Variants in WWOX observed in about 807,000 individuals in gnomAD.
The protein encoded by WWOX is WW domain containing oxidoreductase.
In WWOX, 69 loss-of-function variants were observed where a neutral mutation model predicts 46.2. The observed-to-expected ratio is 1.49, with a 90% CI of 1.23 to 1.82. The LOEUF (loss-of-function observed/expected upper bound fraction) is 1.82. Ranked by LOEUF, WWOX falls within the 40% of genes most tolerant of loss-of-function variation. The pLI is 0.00. For missense variants in WWOX, 919 were observed against 542.6 expected, an observed-to-expected ratio of 1.69 and a Z score of -6.89; for synonymous variants, 359 against 202.6, an observed-to-expected ratio of 1.77 and a Z score of -6.56.
chr16:78,600,663 G>T (rs933402414), intron 8 of WWOX, among the ~76,000 whole-genome samples: 3 of 152,120 alleles, frequency 2.0e-5, no homozygotes, highest in African/African-American at 7.2e-5. Flanking sequence ...GATTCTTCAG[G>T]AAACCCTGGT....
At chr16:78,355,273 G>T (rs1214156119) in intron 5 of WWOX, among the ~76,000 whole-genome samples, 3 of 151,696 alleles carry the variant, frequency 2.0e-5, no homozygotes, top group African/African-American at 7.3e-5. Flanking sequence ...AAAAAAGTAT[G>T]TATACATATA....
At chr16:78,501,409 G>C (rs1244269960) in intron 8 of WWOX, among the ~76,000 whole-genome samples, 1 of 152,000 alleles carries the variant, frequency 6.6e-6, no homozygotes, top group Non-Finnish European at 1.5e-5. Context: ...GAATGTGTAA[G>C]AAATTGAGAC....
chr16:78,473,277 G>A (rs1200513128), intron 8 of WWOX, among the ~76,000 whole-genome samples: 1 of 152,090 alleles, frequency 6.6e-6, no homozygotes, highest in African/African-American at 2.4e-5. Context: ...GTATAGACAC[G>A]TGGCACCACG....
intron 8 of WWOX, among the ~76,000 whole-genome samples, chr16:78,734,349 T>A (rs1408961177): frequency 1.3e-5 from 2 of 152,276 alleles, no homozygotes; most frequent in South Asian, 4.2e-4. Flanking sequence ...CCTGAATTTA[T>A]CATCAATATT....
intron 8 of WWOX, among the ~76,000 whole-genome samples, chr16:78,759,690 G>C (rs143104944): frequency 2.6e-4 from 40 of 152,330 alleles, no homozygotes; most frequent in Middle Eastern, 3.4e-3. Context: ...ACATGAGACT[G>C]TATGCTCCCT....
chr16:78,721,211 A>G (rs542879949), intron 8 of WWOX, among the ~76,000 whole-genome samples: 8 of 151,704 alleles, frequency 5.3e-5, no homozygotes, highest in Non-Finnish European at 8.8e-5. Context: ...TACTTTCTAC[A>G]GTATCTTTAA....
At chr16:78,928,605 C>T (rs948746990) in intron 8 of WWOX, among the ~76,000 whole-genome samples, 3 of 152,116 alleles carry the variant, frequency 2.0e-5, no homozygotes, top group East Asian at 1.9e-4. Flanking sequence ...GTTGTAAATA[C>T]ACTTTCTAAA....
intron 8 of WWOX, among the ~76,000 whole-genome samples, chr16:78,766,921 A>G (rs867438447): frequency 6.6e-6 from 1 of 152,202 alleles, no homozygotes; most frequent in African/African-American, 2.4e-5. Flanking sequence ...ATCTTTTAAA[A>G]AATAACTGCC....
At chr16:79,019,652 G>A (rs1195426381) in intron 8 of WWOX, among the ~76,000 whole-genome samples, 1 of 151,846 alleles carries the variant, frequency 6.6e-6, no homozygotes, top group Non-Finnish European at 1.5e-5. Context: ...TGTGCATACT[G>A]GATAAGCAAG....
intron 1 of WWOX, among the ~76,000 whole-genome samples, chr16:78,102,371 C>G (rs2031854807): frequency 1.3e-5 from 2 of 152,324 alleles, no homozygotes; most frequent in Admixed American, 1.3e-4. Context: ...AGGGAGGACC[C>G]ATTTCAAGGA....
At chr16:78,691,274 C>T in intron 8 of WWOX, 1 of 702,170 alleles carries the variant, frequency 1.4e-6, no homozygotes, top group Non-Finnish European at 2.6e-6. Context: ...GAGGTCACTT[C>T]TGATTGTCAG....
chr16:78,339,924 C>G (rs2080974568), intron 5 of WWOX, among the ~76,000 whole-genome samples: 3 of 106,272 alleles, frequency 2.8e-5, no homozygotes, highest in South Asian at 5.9e-4. Context: ...TCCTAGACCT[C>G]CCAGATGGCC....
intron 8 of WWOX, among the ~76,000 whole-genome samples, chr16:78,900,605 A>C (rs1039558219): frequency 6.6e-6 from 1 of 152,202 alleles, no homozygotes; most frequent in African/African-American, 2.4e-5. Context: ...CCACAAAGTC[A>C]TAATCAGATA....
At chr16:79,167,987 C>G (rs1007584336) in intron 8 of WWOX, among the ~76,000 whole-genome samples, 1 of 152,156 alleles carries the variant, frequency 6.6e-6, no homozygotes, top group Non-Finnish European at 1.5e-5. Flanking sequence ...GAATATGTGA[C>G]CTTTTGTGTC....
chr16:78,794,345 G>A lies in WWOX; in HGVS notation c.1056+361593G>A, dbSNP rs74817357. On this transcript the variant is annotated intron_variant, in intron 8 of 8. Transcript: ENST00000566780. ...TCAAAGCTCCCCAGGAGTCTCTCTC[G>A]GTCTGTTCTGGCTCAGGAAGCTGCC... Among the ~76,000 whole-genome samples the A allele has an allele frequency of 1.9e-3, 283 of 151,944 alleles. 1 individual carries two copies. The highest frequency in any genetic ancestry group is 6.3e-3 in the African/African-American group (263 of 41,428).
At chr16:78,688,746 T>G (rs2047919407) in intron 8 of WWOX, among the ~76,000 whole-genome samples, 1 of 152,040 alleles carries the variant, frequency 6.6e-6, no homozygotes, top group African/African-American at 2.4e-5. Context: ...AGTGATAGGG[T>G]TCGGCTGTGT....
rs972601275 is a variant in WWOX at position 78,472,603 on chromosome 16, G to A, written c.1056+39851G>A. Among the ~76,000 whole-genome samples the A allele has an allele frequency of 5.3e-5, 8 of 152,146 alleles. No homozygotes were observed. In the South Asian group the frequency reaches 8.3e-4, roughly 16 times the overall value. ...GCGGGTGGATCACCTGAGGTCAGGA[G>A]TTTGAGACCAGCCTGACCAACATGT... On this transcript the variant is annotated intron_variant, in intron 8 of 8. Coordinates refer to ENST00000566780, the MANE Select transcript of WWOX (RefSeq NM_016373.4).
chr16:78,655,324 C>T (rs1417798512), intron 8 of WWOX, among the ~76,000 whole-genome samples: 1 of 152,150 alleles, frequency 6.6e-6, no homozygotes, highest in Non-Finnish European at 1.5e-5. Context: ...CCGAGCAGTG[C>T]CTGTCCTTTC....
intron 6 of WWOX, among the ~76,000 whole-genome samples, chr16:78,391,464 C>G (rs999329772): frequency 2.0e-5 from 3 of 152,184 alleles, no homozygotes; most frequent in Non-Finnish European, 4.4e-5. Flanking sequence ...CCAAATCTCT[C>G]TGAATCCAAA....
Sources: gnomAD v4.1 joint callset for allele counts (sites outside exome capture counted in the v4.1 genomes callset) on GRCh38, gnomAD v4.1.1 for gene constraint, MANE v1.5 for transcripts, NCBI Gene and HGNC (gene_info 2026-07-23, HGNC 2026-07-21) for gene names.